Variants in ZSWIM9 observed in about 807,000 individuals in gnomAD.
ZSWIM9 encodes uncharacterized protein ZSWIM9.
ZSWIM9 carries 11 observed loss-of-function variants against 25.0 expected under a neutral mutation model. That is an observed-to-expected ratio of 0.44 (90% confidence interval 0.28 to 0.73). ZSWIM9 has a LOEUF of 0.73. ZSWIM9 is among the 30% of genes least tolerant of loss of function. ZSWIM9 has a pLI of 0.16. For synonymous variants in ZSWIM9, 562 were observed against 582.1 expected, an observed-to-expected ratio of 0.97 and a Z score of 0.50; for missense variants, 1,070 against 1,296.5, an observed-to-expected ratio of 0.83 and a Z score of 2.68.
intron 3 of ZSWIM9, among the ~76,000 whole-genome samples, chr19:48,187,481 A>ATAT (rs2037033129): frequency 7.9e-5 from 5 of 63,342 alleles, no homozygotes; most frequent in African/African-American, 3.5e-4. Flanking sequence ...TATATATATT[A>ATAT]TATATTATAT....
intron 3 of ZSWIM9, chr19:48,187,597 A>G (rs2037045129): frequency 1.2e-5 from 1 of 81,870 alleles, no homozygotes; most frequent in South Asian, 3.3e-4. Flanking sequence ...ATATAATATA[A>G]TATTATATAT....
chr19:48,182,502 C>T lies in ZSWIM9; in HGVS notation c.323C>T (p.Pro108Leu), dbSNP rs1568576763. The change falls in exon 3 of 4, where the codon CCG (proline) becomes CTG (leucine). Residue 108 changes from proline to leucine, a missense_variant. This residue lies in a region of ZSWIM9 where 265 missense variants were observed against 339.0 expected (regional missense o/e 0.78). Coordinates refer to ENST00000614654, the MANE Select transcript of ZSWIM9 (RefSeq NM_199341.4). This position sits in a 1 kb window ranked among gnomAD's most constrained non-coding sequence, Gnocchi z 4.6. The part of the protein sequence containing the change: ...CPAFIIVKLS[P>L]LRDRLVVTEC... ...GCCTTCATCATCGTCAAGCTGAGCC[C>T]GCTGCGGGACCGCCTCGTGGTGACG... 3.9e-6 allele frequency: 6 copies of T among 1,535,712 alleles called. No individual in the cohort carries two copies. The highest frequency in any genetic ancestry group is 2.4e-5 in the South Asian group (2 of 84,006).
In ZSWIM9 at chr19:48,187,599, AT is replaced by A. The variant is rs1284364954; in HGVS notation, c.588+4834del. ...TATATTATATATTATATAATATAAT[AT>A]TATATATTATATTAATATTATAATA... On this transcript the variant is annotated intron_variant, in intron 3 of 3. Transcript: ENST00000614654. The A allele has an allele frequency of 1.8e-3, 180 of 99,234 alleles. 2 individuals are homozygous for A. The highest frequency in any genetic ancestry group is 5.6e-3 in the African/African-American group (135 of 24,226). The allele number at this position is 99,234 out of a possible 1,614,324, so 6.1% of individuals were successfully genotyped here.
intron 2 of ZSWIM9, 57 bp downstream of exon 2, chr19:48,172,134 G>A (rs1294109528): frequency 5.5e-6 from 7 of 1,270,070 alleles, no homozygotes; most frequent in Non-Finnish European, 7.5e-6. Flanking sequence ...GGGGGTGGGT[G>A]TGGGTGGGAG....
In ZSWIM9 at chr19:48,182,933, A is replaced by G. The variant is rs1261972780; in HGVS notation, c.588+166A>G. Reference sequence around the variant, plus strand: ...CTTACCGAGGCATTGGGGATGCAGCAGCAAACCAGACCCACGTGGTCTCTG... The same window carrying G: ...CTTACCGAGGCATTGGGGATGCAGCGGCAAACCAGACCCACGTGGTCTCTG... On this transcript the variant is annotated intron_variant, in intron 3 of 3. Transcript: ENST00000614654. The surrounding 1 kb of genome is among the most constrained non-coding windows in gnomAD (Gnocchi z 4.6). The G allele has an allele frequency of 1.6e-6, 1 of 628,764 alleles. No homozygotes were observed. The highest frequency in any genetic ancestry group is 2.7e-6 in the Non-Finnish European group (1 of 363,692). 38.9% of individuals were successfully genotyped at this position (628,764 alleles called of 1,614,324 possible).
chr19:48,193,160 T>C (rs1480181506), intron 3 of ZSWIM9: 1 of 154,834 alleles, frequency 6.5e-6, no homozygotes, highest in Non-Finnish European at 1.5e-5. Flanking sequence ...AGGAGTGATC[T>C]CATTTTAGCC....
rs1354922167 is a variant in ZSWIM9 at position 48,172,075 on chromosome 19, G to A, written c.273G>A (p.Val91=). The A allele has an allele frequency of 2.0e-6, 3 of 1,517,504 alleles. No homozygotes were observed. In the South Asian group the frequency reaches 3.6e-5, roughly 18 times the overall value. 94.0% of individuals were successfully genotyped at this position (1,517,504 alleles called of 1,614,324 possible). The change falls in exon 2 of 4, where the codon GTG becomes GTA. Residue 91 remains valine, a splice_region_variant and synonymous_variant. Coordinates refer to ENST00000614654, the MANE Select transcript of ZSWIM9 (RefSeq NM_199341.4). ...KDVRAPSRPA[V]GPPQPGCPAF... is the part of the protein sequence containing the mutation. ...TGCGTGCGCCCAGCCGGCCCGCCGTGGGGTGCGTGAACCTGAGCCGCTGTC... is the reference window on the plus strand; with the variant it reads ...TGCGTGCGCCCAGCCGGCCCGCCGTAGGGTGCGTGAACCTGAGCCGCTGTC...
In ZSWIM9 at chr19:48,190,644, G is replaced by A. The variant is rs367823145; in HGVS notation, c.589-4009G>A. The A allele has an allele frequency of 4.3e-4, 67 of 154,886 alleles. 1 individual carries two copies. The highest frequency in any genetic ancestry group is 1.3e-3 in the African/African-American group (53 of 41,654). 9.6% of individuals were successfully genotyped at this position (154,886 alleles called of 1,614,324 possible). A position where few individuals can be genotyped will look rare whatever the true frequency, so the allele number is the denominator to read the frequency against. ...GTGCAACGCTACTAAGTGCCCGGGAGAGGGAGAACTGCAATTTCTTGGCAA... is the reference window on the plus strand; with the variant it reads ...GTGCAACGCTACTAAGTGCCCGGGAAAGGGAGAACTGCAATTTCTTGGCAA... On this transcript the variant is annotated intron_variant, in intron 3 of 3. Transcript: ENST00000614654.
At position 48,196,013 on chromosome 19, in the gene ZSWIM9, C is replaced by G; in HGVS notation, c.1949C>G (p.Ser650Ter). Residue 650 changes from serine (S) to a stop codon, truncating the protein, a stop_gained, in exon 4 of 4, where the codon TCA becomes TGA. Coordinates refer to ENST00000614654, the MANE Select transcript of ZSWIM9 (RefSeq NM_199341.4). LOFTEE classifies it low-confidence loss of function (END_TRUNC). ...ACTGCAGAATGGAAGGGGCCACAGT[C>G]AGAAGTAGAGAAGGGGAGGGGGCTG... ...LRTAEWKGPQ[S>*]EVEKGRGLEV... is the part of the protein sequence containing the mutation. 7.9e-7 allele frequency: 1 copy of G among 1,260,388 alleles called. No individual in the cohort carries two copies. Among genetic ancestry groups the G allele is most frequent in the Non-Finnish European group, 1.0e-6 (1 of 1,004,564 alleles). 78.1% of individuals were successfully genotyped at this position (1,260,388 alleles called of 1,614,324 possible). A position where few individuals can be genotyped will look rare whatever the true frequency, so the allele number is the denominator to read the frequency against.
intron 3 of ZSWIM9, chr19:48,186,907 T>G (rs1034136331): frequency 6.6e-6 from 1 of 152,228 alleles, no homozygotes; most frequent in African/African-American, 2.4e-5. Context: ...TGTTTCACCC[T>G]GTCTACAGAA....
intron 2 of ZSWIM9, among the ~76,000 whole-genome samples, chr19:48,173,144 G>A (rs755075725): frequency 6.6e-6 from 1 of 152,190 alleles, no homozygotes; most frequent in South Asian, 2.1e-4. Flanking sequence ...TGCCCTTCTG[G>A]TACTTTCTGA....
intron 3 of ZSWIM9, chr19:48,187,551 T>TATTATA (rs1568579736): frequency 0.019 from 567 of 30,052 alleles, 9 homozygotes; most frequent in African/African-American, 0.047. Context: ...TATTATATTA[T>TATTATA]ATATATTATA....
At chr19:48,171,199 G>A (rs922124231) in intron 1 of ZSWIM9, 4 of 984,742 alleles carry the variant, frequency 4.1e-6, no homozygotes, top group Admixed American at 6.1e-5. Flanking sequence ...GGGGGAAGGG[G>A]CAACAGCTGC....
chr19:48,178,709 G>A (rs2036918641), intron 2 of ZSWIM9, among the ~76,000 whole-genome samples: 1 of 152,098 alleles, frequency 6.6e-6, no homozygotes, highest in African/African-American at 2.4e-5. Context: ...CTGAGTAGCT[G>A]GGACTATGGG....
At chr19:48,171,204 A>C in intron 1 of ZSWIM9, 2 of 985,212 alleles carry the variant, frequency 2.0e-6, no homozygotes, top group Non-Finnish European at 1.2e-6. Context: ...AAGGGGCAAC[A>C]GCTGCACGCC....
At chr19:48,183,053 G>A in intron 3 of ZSWIM9, 2 of 438,056 alleles carry the variant, frequency 4.6e-6, no homozygotes, top group African/African-American at 2.0e-5. Flanking sequence ...AGCCACAAGT[G>A]GCTACTGAGC....
chr19:48,184,866 C>A (rs1256495642), intron 3 of ZSWIM9, among the ~76,000 whole-genome samples: 3 of 152,134 alleles, frequency 2.0e-5, no homozygotes, highest in African/African-American at 4.8e-5. Flanking sequence ...GACCCATGAC[C>A]TTCACCATGG....
Position 48,196,536 on chromosome 19 carries a change from C to T in ZSWIM9, c.2472C>T (p.Ala824=), listed in dbSNP as rs1383061587. 8.1e-7 allele frequency: 1 copy of T among 1,232,318 alleles called. No homozygotes were observed. Among genetic ancestry groups the T allele is most frequent in the Admixed American group, 4.2e-5 (1 of 23,690 alleles). 76.3% of individuals were successfully genotyped at this position (1,232,318 alleles called of 1,614,324 possible). A position where few individuals can be genotyped will look rare whatever the true frequency, so the allele number is the denominator to read the frequency against. The part of the protein sequence containing the change: ...GEEEVDWEPL[A]KFRAACGPEL... ...AGGAGGTGGACTGGGAACCCCTGGC[C>T]AAATTCCGAGCAGCCTGCGGGCCAG... The change falls in exon 4 of 4, where the codon GCC becomes GCT. Residue 824 remains alanine (A), a synonymous_variant. Coordinates refer to ENST00000614654, the MANE Select transcript of ZSWIM9 (RefSeq NM_199341.4).
intron 3 of ZSWIM9, among the ~76,000 whole-genome samples, chr19:48,187,268 G>A (rs946273967): frequency 6.9e-6 from 1 of 144,708 alleles, no homozygotes; most frequent in African/African-American, 2.6e-5. Context: ...CTAGAGAGGT[G>A]TTCAATCCAT....
Sources: allele counts gnomAD v4.1 joint callset (sites outside exome capture counted in the v4.1 genomes callset), GRCh38; gene constraint gnomAD v4.1.1; regional missense constraint gnomAD v4.1.1; non-coding constraint Gnocchi (gnomAD v3.1); transcripts MANE v1.5; gene names NCBI Gene and HGNC (gene_info 2026-07-23, HGNC 2026-07-21).